The following DDC variants were observed in gnomAD, a reference collection of about 807,000 sequenced individuals.
The protein encoded by DDC is dopa decarboxylase.
A neutral mutation model predicts 60.0 loss-of-function variants in DDC; 43 were observed. That is an observed-to-expected ratio of 0.72 (90% CI 0.56 to 0.92). The LOEUF (loss-of-function observed/expected upper bound fraction) is 0.92, where lower values mean the gene tolerates loss of function less well. Ranked by LOEUF, DDC falls within the 40% of genes least tolerant of loss-of-function variation. The pLI is 0.00. For synonymous variants in DDC, 232 were observed against 234.6 expected, an observed-to-expected ratio of 0.99 and a Z score of 0.10; for missense variants, 573 against 620.2, an observed-to-expected ratio of 0.92 and a Z score of 0.81.
intron 1 of DDC, among the ~76,000 whole-genome samples, chr7:50,551,431 C>T (rs971238264): frequency 2.6e-5 from 4 of 151,972 alleles, no homozygotes; most frequent in Non-Finnish European, 4.4e-5. Context: ...CAGGGTTTCA[C>T]CATGTTGGCC....
intron 1 of DDC, among the ~76,000 whole-genome samples, chr7:50,559,311 A>G (rs2045280257): frequency 6.6e-6 from 1 of 152,166 alleles, no homozygotes; most frequent in African/African-American, 2.4e-5. Flanking sequence ...AACCTTTTCT[A>G]CGAGGTCCTG....
intron 1 of DDC, among the ~76,000 whole-genome samples, chr7:50,555,761 G>A (rs555635137): frequency 6.6e-6 from 1 of 152,258 alleles, no homozygotes; most frequent in East Asian, 1.9e-4. Context: ...CCCTTTAACA[G>A]ATGAGAAGAC....
chr7:50,562,242 G>T (rs1252723707), intron 1 of DDC, among the ~76,000 whole-genome samples: 1 of 152,202 alleles, frequency 6.6e-6, no homozygotes, highest in African/African-American at 2.4e-5. Flanking sequence ...TGGTACAAGT[G>T]AGGGGATCCT....
intron 1 of DDC, among the ~76,000 whole-genome samples, chr7:50,564,580 C>A (rs1056698549): frequency 6.6e-6 from 1 of 152,212 alleles, no homozygotes; most frequent in Non-Finnish European, 1.5e-5. Flanking sequence ...AGCTTTGATT[C>A]TTATATACTT....
chr7:50,522,233 G>A (rs1052459980), intron 6 of DDC, among the ~76,000 whole-genome samples: 10 of 150,734 alleles, frequency 6.6e-5, no homozygotes, highest in Non-Finnish European at 1.0e-4. Flanking sequence ...CTTTATATGA[G>A]GAAAACTACA....
At chr7:50,482,764 G>A (rs1261213508) in intron 9 of DDC, among the ~76,000 whole-genome samples, 1 of 152,050 alleles carries the variant, frequency 6.6e-6, no homozygotes, top group Non-Finnish European at 1.5e-5. Context: ...GGATATGTTT[G>A]TTCATAGTAA....
At position 50,481,200 on chromosome 7, in the gene DDC, G is replaced by T. The variant is rs189408846; in HGVS notation, c.945-1337C>A. Among the ~76,000 whole-genome samples, 289 of 152,326 alleles carry T rather than the reference G, an allele frequency of 1.9e-3. 1 individual carries two copies. Among genetic ancestry groups the T allele is most frequent in the African/African-American group, 6.7e-3 (278 of 41,568 alleles). ...CTGGATTTATCTATAAATGGTCATT[G>T]AGCCTTTATTTTTGTTTTAAGGTTA... On this transcript the variant is annotated intron_variant, in intron 9 of 14. Transcript: ENST00000444124.
intron 9 of DDC, among the ~76,000 whole-genome samples, chr7:50,492,122 C>A (rs1432242944): frequency 1.3e-5 from 2 of 152,228 alleles, no homozygotes. Flanking sequence ...AGAGAAGCCT[C>A]AGAAGAAACC....
intron 6 of DDC, among the ~76,000 whole-genome samples, chr7:50,515,324 G>A (rs930131135): frequency 6.6e-6 from 1 of 152,112 alleles, no homozygotes; most frequent in Non-Finnish European, 1.5e-5. Context: ...CATATATGAA[G>A]GAAAGATACA....
chr7:50,550,056 G>C (rs550966288), intron 1 of DDC, among the ~76,000 whole-genome samples: 1 of 152,310 alleles, frequency 6.6e-6, no homozygotes, highest in South Asian at 2.1e-4. Context: ...AAGTTCTACT[G>C]GGGGTAAAAT....
chr7:50,477,986 G>A (rs2042684528), intron 10 of DDC, among the ~76,000 whole-genome samples: 1 of 151,742 alleles, frequency 6.6e-6, no homozygotes, highest in South Asian at 2.1e-4. Flanking sequence ...CAAATCGCTT[G>A]AGCTCAGGAG....
At chr7:50,558,366 G>A (rs1201163176) in intron 1 of DDC, among the ~76,000 whole-genome samples, 1 of 152,108 alleles carries the variant, frequency 6.6e-6, no homozygotes, top group African/African-American at 2.4e-5. Flanking sequence ...CCAATTTGGT[G>A]GTAAATATTG....
In DDC at chr7:50,460,223, G is replaced by T. The variant is rs1379149597; in HGVS notation, c.*19-1380C>A. On this transcript the variant is annotated intron_variant, in intron 14 of 14. Coordinates refer to ENST00000444124, the MANE Select transcript of DDC (RefSeq NM_001082971.2). Reference sequence around the variant, plus strand: ...CCTGGCCCGGCCAGCCGCCCCGTCCGGGAGGGAGGTGGGGGGTCAGCCCCT... The same window carrying T: ...CCTGGCCCGGCCAGCCGCCCCGTCCTGGAGGGAGGTGGGGGGTCAGCCCCT... 1.6e-4 allele frequency among the ~76,000 whole-genome samples: 23 copies of T among 146,408 alleles called. 1 individual carries two copies. The highest frequency in any genetic ancestry group is 5.9e-4 in the African/African-American group (23 of 38,964).
At chr7:50,486,238 T>C (rs937160021) in intron 9 of DDC, among the ~76,000 whole-genome samples, 1 of 152,214 alleles carries the variant, frequency 6.6e-6, no homozygotes, top group Non-Finnish European at 1.5e-5. Flanking sequence ...CATCTTTTTG[T>C]TTGTATTTGT....
At chr7:50,509,131 G>A (rs2043480738) in intron 6 of DDC, among the ~76,000 whole-genome samples, 1 of 152,164 alleles carries the variant, frequency 6.6e-6, no homozygotes, top group South Asian at 2.1e-4. Context: ...CAAGAACCAT[G>A]CCATGAGGAA....
chr7:50,542,629 A>C (rs967036822), intron 2 of DDC: 1 of 152,220 alleles, frequency 6.6e-6, no homozygotes, highest in Non-Finnish European at 1.5e-5. Flanking sequence ...CCATAGAAGG[A>C]AGCAGAAAGA....
At position 50,479,839 on chromosome 7, in the gene DDC, C is replaced by A. The variant is rs1463739427; in HGVS notation, c.969G>T (p.Thr323=). The part of the protein sequence containing the change: ...AMWVKKRTDL[T]GAFRLDPTYL... The stretch of plus-strand genomic sequence containing the variant: ...AAGTGGGGTCCAGTCTAAAGGCTCC[C>A]GTTAAGTCTGTTCTCTTTTTCACCC... Residue 323 remains threonine, a synonymous_variant, in exon 10 of 15, where the codon ACG becomes ACT. Coordinates refer to ENST00000444124, the MANE Select transcript of DDC (RefSeq NM_001082971.2). The A allele has an allele frequency of 4.3e-6, 7 of 1,613,732 alleles. No homozygotes were observed. Among genetic ancestry groups the A allele is most frequent in the Non-Finnish European group, 5.9e-6 (7 of 1,179,970 alleles).
rs528321258 is a variant in DDC, at chr7:50,494,625, A to G, written c.944+725T>C. 3.3e-5 allele frequency among the ~76,000 whole-genome samples: 5 copies of G among 150,228 alleles called. No homozygotes were observed. The East Asian group carries it at 9.7e-4, about 29-fold the overall frequency. On this transcript the variant is annotated intron_variant, in intron 9 of 14. Coordinates refer to ENST00000444124, the MANE Select transcript of DDC (RefSeq NM_001082971.2). ...AAAAGAGAGGAAGAAAAGAATTTCC[A>G]GGGAAATTCTTAGGAAACATGGTTA...
intron 9 of DDC, among the ~76,000 whole-genome samples, chr7:50,488,135 A>G (rs1418202933): frequency 1.3e-5 from 2 of 152,090 alleles, no homozygotes; most frequent in Non-Finnish European, 2.9e-5. Flanking sequence ...ATCAGTTTTT[A>G]TAAGTAATCT....
Sources: gnomAD v4.1 joint callset for allele counts (sites outside exome capture counted in the v4.1 genomes callset) on GRCh38, gnomAD v4.1.1 for gene constraint, MANE v1.5 for transcripts, NCBI Gene and HGNC (gene_info 2026-07-23, HGNC 2026-07-21) for gene names.